Variants in ASIC2 observed in about 807,000 individuals in gnomAD.
ASIC2 encodes acid sensing ion channel subunit 2.
ASIC2 carries 25 observed loss-of-function variants against 57.3 expected under a neutral mutation model. The ratio of observed to expected loss-of-function variants is 0.44; its 90% CI spans 0.32 to 0.61. The LOEUF is 0.61. ASIC2 is among the 20% of genes least tolerant of loss of function. ASIC2 has a pLI of 0.06. For missense variants in ASIC2, 641 were observed against 738.1 expected (o/e 0.87, Z 1.52); for synonymous variants, 319 against 307.5 (o/e 1.04, Z -0.39).
At chr17:34,132,241 C>T (rs1254576750) in intron 1 of ASIC2, among the ~76,000 whole-genome samples, 1 of 152,158 alleles carries the variant, frequency 6.6e-6, no homozygotes, top group Non-Finnish European at 1.5e-5. Flanking sequence ...TCGCTGACTT[C>T]AAGAACGAAG....
At chr17:33,366,391 C>G (rs942098743) in intron 1 of ASIC2, among the ~76,000 whole-genome samples, 10 of 152,218 alleles carry the variant, frequency 6.6e-5, no homozygotes, top group Non-Finnish European at 1.0e-4. Context: ...TAGATGCTCT[C>G]AGCTCTTTGA....
At chr17:33,390,936 A>G (rs1909866982) in intron 1 of ASIC2, among the ~76,000 whole-genome samples, 1 of 152,254 alleles carries the variant, frequency 6.6e-6, no homozygotes, top group Non-Finnish European at 1.5e-5. Context: ...GCTTGAATAC[A>G]GGAGGAAGAG....
chr17:33,905,500 T>G (rs912576415), intron 1 of ASIC2, among the ~76,000 whole-genome samples: 2 of 152,232 alleles, frequency 1.3e-5, no homozygotes, highest in South Asian at 4.1e-4. Flanking sequence ...TTCAGAGGCA[T>G]GTGCTGACAT....
intron 3 of ASIC2, among the ~76,000 whole-genome samples, chr17:33,056,706 A>G (rs1245012272): frequency 1.3e-5 from 2 of 152,184 alleles, no homozygotes; most frequent in Non-Finnish European, 2.9e-5. Context: ...GAAATTAATG[A>G]GCAGAATAGG....
chr17:33,952,602 T>C (rs376541975), intron 1 of ASIC2, among the ~76,000 whole-genome samples: 1 of 152,306 alleles, frequency 6.6e-6, no homozygotes, highest in African/African-American at 2.4e-5. Context: ...CTCGTCCAAA[T>C]ACAGCCTCAT....
intron 1 of ASIC2, among the ~76,000 whole-genome samples, chr17:33,166,939 G>T (rs985159729): frequency 2.6e-5 from 4 of 152,194 alleles, no homozygotes; most frequent in African/African-American, 9.7e-5. Context: ...GCATCATTTG[G>T]TAACAGACTG....
chr17:33,188,024 G>T (rs1228870545), intron 1 of ASIC2, among the ~76,000 whole-genome samples: 1 of 151,902 alleles, frequency 6.6e-6, no homozygotes, highest in Non-Finnish European at 1.5e-5. Flanking sequence ...CAAATAATCA[G>T]TTTAGTAGTC....
intron 1 of ASIC2, among the ~76,000 whole-genome samples, chr17:33,720,989 G>A (rs1041980152): frequency 9.2e-5 from 14 of 152,100 alleles, no homozygotes; most frequent in Non-Finnish European, 1.8e-4. Context: ...GTCTGTTTTA[G>A]CAATCCATAT....
chr17:33,440,189 C>T (rs1911775905), intron 1 of ASIC2, among the ~76,000 whole-genome samples: 1 of 152,188 alleles, frequency 6.6e-6, no homozygotes, highest in South Asian at 2.1e-4. Flanking sequence ...CACTGACCAG[C>T]TAGCTGTCTC....
At chr17:33,945,847 C>T (rs1482009483) in intron 1 of ASIC2, among the ~76,000 whole-genome samples, 1 of 152,194 alleles carries the variant, frequency 6.6e-6, no homozygotes, top group East Asian at 1.9e-4. Flanking sequence ...AACAATAAAC[C>T]AGGCCCTGAT....
At chr17:33,793,102 AG>A (rs901261893) in intron 1 of ASIC2, among the ~76,000 whole-genome samples, 1 of 152,230 alleles carries the variant, frequency 6.6e-6, no homozygotes, top group African/African-American at 2.4e-5. Flanking sequence ...ATGAAAAATA[AG>A]GGGAGCCTTT....
intron 1 of ASIC2, among the ~76,000 whole-genome samples, chr17:33,773,869 G>T (rs1474347424): frequency 6.6e-6 from 1 of 151,400 alleles, no homozygotes; most frequent in Non-Finnish European, 1.5e-5. Context: ...GTTTTGCTAT[G>T]TTGCCAAGGC....
At chr17:34,039,970 C>G in intron 1 of ASIC2, 2 of 1,059,752 alleles carry the variant, frequency 1.9e-6, no homozygotes, top group Non-Finnish European at 2.8e-6. Context: ...CCTGGGCAGG[C>G]CCGGGGCGGA....
intron 2 of ASIC2, among the ~76,000 whole-genome samples, chr17:33,091,620 C>T (rs557957453): frequency 1.3e-5 from 2 of 152,330 alleles, no homozygotes; most frequent in African/African-American, 4.8e-5. Context: ...TTAGTGAGAA[C>T]CGCCCAAGGC....
At chr17:33,251,875 G>C (rs1908896656) in intron 1 of ASIC2, among the ~76,000 whole-genome samples, 1 of 152,230 alleles carries the variant, frequency 6.6e-6, no homozygotes, top group Admixed American at 6.5e-5. Flanking sequence ...TCAGGAGACA[G>C]TCCTTGAATT....
chr17:33,039,553 G>A (rs73984934), intron 3 of ASIC2, among the ~76,000 whole-genome samples: 7,333 of 152,238 alleles, frequency 0.048, 546 homozygotes, highest in African/African-American at 0.16. Context: ...GATATTGGCT[G>A]CTTCAGAGGA....
intron 1 of ASIC2, among the ~76,000 whole-genome samples, chr17:33,766,081 A>C (rs1466907260): frequency 6.6e-6 from 1 of 152,064 alleles, no homozygotes; most frequent in Non-Finnish European, 1.5e-5. Flanking sequence ...TTTGCTTTCT[A>C]TGGTTTTGGT....
At chr17:33,869,062 C>T (rs1914321351) in intron 1 of ASIC2, among the ~76,000 whole-genome samples, 1 of 152,102 alleles carries the variant, frequency 6.6e-6, no homozygotes, top group Admixed American at 6.6e-5. Context: ...GAGACTCTGT[C>T]TCAAAAGAGA....
chr17:34,020,259 C>T (rs1907110116), intron 1 of ASIC2, among the ~76,000 whole-genome samples: 1 of 152,080 alleles, frequency 6.6e-6, no homozygotes, highest in Non-Finnish European at 1.5e-5. Flanking sequence ...TCAATAAATA[C>T]GTGTTGAATG....
Sources: allele counts gnomAD v4.1 joint callset (sites outside exome capture counted in the v4.1 genomes callset), GRCh38; gene constraint gnomAD v4.1.1; transcripts MANE v1.5; gene names NCBI Gene and HGNC (gene_info 2026-07-23, HGNC 2026-07-21).